Variants in NOX4 observed in about 807,000 individuals in gnomAD.
The protein encoded by NOX4 is NADPH oxidase 4, also known as kidney oxidase-1.
In NOX4, 69 loss-of-function variants were observed where a neutral mutation model predicts 87.6. The ratio of observed to expected loss-of-function variants is 0.79; its 90% CI spans 0.65 to 0.96. The LOEUF (loss-of-function observed/expected upper bound fraction) is 0.96, where lower values mean the gene tolerates loss of function less well. NOX4 is among the 40% of genes least tolerant of loss of function. The pLI, the probability that NOX4 is intolerant of heterozygous loss-of-function variation, is 0.00. For synonymous variants in NOX4, 275 were observed against 238.2 expected (o/e 1.15, Z -1.42); for missense variants, 680 against 681.5 (o/e 1.00, Z 0.02).
At chr11:89,383,556 C>T (rs985603782) in intron 11 of NOX4, among the ~76,000 whole-genome samples, 10 of 152,144 alleles carry the variant, frequency 6.6e-5, no homozygotes, top group South Asian at 2.1e-4. Flanking sequence ...TTAATCAATA[C>T]GGAGGCTACC....
At chr11:89,358,210 C>T (rs1938221324) in intron 12 of NOX4, among the ~76,000 whole-genome samples, 1 of 151,600 alleles carries the variant, frequency 6.6e-6, no homozygotes, top group Non-Finnish European at 1.5e-5. Flanking sequence ...CATGGTGAAA[C>T]CCTGTCTCTA....
chr11:89,359,230 A>G (rs375959263), intron 12 of NOX4, among the ~76,000 whole-genome samples: 3 of 152,086 alleles, frequency 2.0e-5, no homozygotes, highest in Admixed American at 2.0e-4. Flanking sequence ...ATCCTCTTTC[A>G]ATTTCTAATT....
chr11:89,583,883 A>T, the NOX4 span, among the ~76,000 whole-genome samples: 7 of 152,302 alleles, frequency 4.6e-5, no homozygotes, highest in Non-Finnish European at 7.4e-5. Flanking sequence ...AATATTTTTT[A>T]AAAGGAATGG....
chr11:89,532,508 A>T, the NOX4 span, among the ~76,000 whole-genome samples: 1 of 152,168 alleles, frequency 6.6e-6, no homozygotes, highest in Non-Finnish European at 1.5e-5. Flanking sequence ...CCTCCATTTT[A>T]TCTAGGAAGT....
intron 2 of NOX4, among the ~76,000 whole-genome samples, chr11:89,480,418 A>C (rs929990472): frequency 2.2e-4 from 34 of 152,116 alleles, no homozygotes; most frequent in African/African-American, 8.0e-4. Context: ...AATTCTTCAA[A>C]CTACTTTCTT....
upstream of NOX4, among the ~76,000 whole-genome samples, chr11:89,495,841 T>G (rs1946942106): frequency 6.6e-6 from 1 of 152,196 alleles, no homozygotes; most frequent in Admixed American, 6.5e-5. Flanking sequence ...AGTTTACCAT[T>G]TTTGTTATTT....
At chr11:89,394,325 T>G (rs1233982962) in intron 11 of NOX4, among the ~76,000 whole-genome samples, 1 of 141,318 alleles carries the variant, frequency 7.1e-6, no homozygotes, top group Non-Finnish European at 1.5e-5. Context: ...TCTCTCTACT[T>G]TTGTTTATGT....
chr11:89,455,095 G>C (rs985189622), intron 2 of NOX4, among the ~76,000 whole-genome samples: 1 of 152,078 alleles, frequency 6.6e-6, no homozygotes, highest in Non-Finnish European at 1.5e-5. Flanking sequence ...TGCCAGTAAA[G>C]TATGTTAGTT....
chr11:89,423,410 T>G (rs1943196115), intron 7 of NOX4, among the ~76,000 whole-genome samples: 1 of 152,176 alleles, frequency 6.6e-6, no homozygotes, highest in Non-Finnish European at 1.5e-5. Flanking sequence ...GTAATTTAGA[T>G]AGACCTACAT....
chr11:89,538,993 T>A, the NOX4 span, among the ~76,000 whole-genome samples: 1 of 150,302 alleles, frequency 6.7e-6, no homozygotes, highest in African/African-American at 2.5e-5. Context: ...GAGCTTGCAC[T>A]CTCTCTTTTC....
In NOX4 at chr11:89,326,123, A is replaced by G. The variant is rs754070436; in HGVS notation, c.*633T>C. 1 of 151,882 alleles carries G rather than the reference A, an allele frequency of 6.6e-6. No individual in the cohort carries two copies. Among genetic ancestry groups the G allele is most frequent in the East Asian group, 1.9e-4 (1 of 5,194 alleles). The allele number at this position is 151,882 out of a possible 1,614,324, so 9.4% of individuals were successfully genotyped here. A position where few individuals can be genotyped will look rare whatever the true frequency, so the allele number is the denominator to read the frequency against. On this transcript the variant is annotated 3_prime_UTR_variant, in exon 18 of 18. Transcript: ENST00000263317. Reference sequence around the variant, plus strand: ...AGGAATAAAAAGAAAAAAATATATAAAAATAGATACTATAACAACATTTGA... The same window carrying G: ...AGGAATAAAAAGAAAAAAATATATAGAAATAGATACTATAACAACATTTGA...
At chr11:89,522,249 A>G in the NOX4 span, among the ~76,000 whole-genome samples, 6 of 152,340 alleles carry the variant, frequency 3.9e-5, no homozygotes, top group African/African-American at 1.4e-4. Flanking sequence ...AGCACTGTTT[A>G]TAATAGCAAA....
At chr11:89,477,364 G>C (rs1946208686) in intron 2 of NOX4, among the ~76,000 whole-genome samples, 1 of 152,086 alleles carries the variant, frequency 6.6e-6, no homozygotes, top group African/African-American at 2.4e-5. Flanking sequence ...TCTGACAGCA[G>C]GTGGAGCTCA....
chr11:89,538,971 T>G, the NOX4 span, among the ~76,000 whole-genome samples: 6 of 152,124 alleles, frequency 3.9e-5, no homozygotes, highest in African/African-American at 1.4e-4. Context: ...AAGTGCTCTA[T>G]AAGAGGCCAG....
chr11:89,572,873 C>T, the NOX4 span, among the ~76,000 whole-genome samples: 1 of 151,998 alleles, frequency 6.6e-6, no homozygotes, highest in Non-Finnish European at 1.5e-5. Context: ...GGCTTTAAAT[C>T]TACAATCTTG....
At chr11:89,373,297 A>AC in intron 12 of NOX4, 135 bp downstream of exon 12, 1 of 451,708 alleles carries the variant, frequency 2.2e-6, no homozygotes, top group South Asian at 5.1e-5. Flanking sequence ...AAAAAAAAAA[A>AC]ACAAAAAAAA....
At chr11:89,540,312 C>T in the NOX4 span, among the ~76,000 whole-genome samples, 17 of 152,234 alleles carry the variant, frequency 1.1e-4, no homozygotes, top group South Asian at 3.3e-3. Context: ...GCTTTGCCAG[C>T]TGGGTACTTC....
At chr11:89,530,248 T>C in the NOX4 span, among the ~76,000 whole-genome samples, 273 of 151,216 alleles carry the variant, frequency 1.8e-3, 2 homozygotes, top group Admixed American at 0.014. Context: ...CTTCAGAGTA[T>C]CTATCTAACT....
chr11:89,554,748 G>T, the NOX4 span, among the ~76,000 whole-genome samples: 1 of 151,960 alleles, frequency 6.6e-6, no homozygotes, highest in African/African-American at 2.4e-5. Flanking sequence ...GTTAGCAATC[G>T]GTAGAAAGGC....
Sources: gnomAD v4.1 joint callset for allele counts (sites outside exome capture counted in the v4.1 genomes callset) on GRCh38, gnomAD v4.1.1 for gene constraint, MANE v1.5 for transcripts, NCBI Gene and HGNC (gene_info 2026-07-23, HGNC 2026-07-21) for gene names.